Variants in STK10 observed in about 807,000 individuals in gnomAD.
STK10 encodes serine/threonine-protein kinase 10.
In STK10, 78 loss-of-function variants were observed where a neutral mutation model predicts 113.8. The observed-to-expected ratio is 0.69, with a 90% CI of 0.57 to 0.83. STK10 has a LOEUF of 0.83. Among genes scored for constraint, STK10 ranks in the 40% least tolerant of loss-of-function variants. The pLI is 0.00. For missense variants in STK10, 1,109 were observed against 1,280.1 expected, an observed-to-expected ratio of 0.87 and a Z score of 2.04; for synonymous variants, 465 against 494.7, an observed-to-expected ratio of 0.94 and a Z score of 0.80.
chr5:172,129,689 C>G (rs566967107), intron 2 of STK10, among the ~76,000 whole-genome samples: 15 of 152,280 alleles, frequency 9.9e-5, no homozygotes, highest in Non-Finnish European at 1.9e-4. Context: ...GCATATCATT[C>G]TGCCTTGTAG....
chr5:172,082,900 C>G lies in STK10; in HGVS notation c.1809+61G>C. On this transcript the variant is annotated intron_variant, in intron 11 of 18. Coordinates refer to ENST00000176763, the MANE Select transcript of STK10 (RefSeq NM_005990.4). The surrounding 1 kb of genome is among the most constrained non-coding windows in gnomAD (Gnocchi z 4.3). ...CCCAATCATTCCCACTATGTAGCTT[C>G]CACTGAGAGAACACCTGGAGGCAAG... 2 of 1,596,652 alleles carry G rather than the reference C, an allele frequency of 1.3e-6. No individual in the cohort carries two copies. Among genetic ancestry groups the G allele is most frequent in the Non-Finnish European group, 1.7e-6 (2 of 1,172,754 alleles).
At chr5:172,162,740 T>A (rs1770495495) in intron 1 of STK10, among the ~76,000 whole-genome samples, 1 of 152,098 alleles carries the variant, frequency 6.6e-6, no homozygotes, top group Non-Finnish European at 1.5e-5. Flanking sequence ...GGGCCCCCCT[T>A]CAATCACTCA....
rs903792161 is a variant in STK10, at chr5:172,105,163, C to G, written c.870+493G>C. Among the ~76,000 whole-genome samples, 12 of 148,568 alleles carry G rather than the reference C, an allele frequency of 8.1e-5. 1 individual carries two copies. Among genetic ancestry groups the G allele is most frequent in the Admixed American group, 5.4e-4 (8 of 14,820 alleles). ...CCTGGCCCCTGTGCTCCTGCTCCCC[C>G]ACCTCCCACCCCCACCCCCTGGCTC... On this transcript the variant is annotated intron_variant, in intron 7 of 18. Coordinates refer to ENST00000176763, the MANE Select transcript of STK10 (RefSeq NM_005990.4).
chr5:172,186,860 G>C (rs887912656), intron 1 of STK10, among the ~76,000 whole-genome samples: 1 of 152,006 alleles, frequency 6.6e-6, no homozygotes, highest in Non-Finnish European at 1.5e-5. Flanking sequence ...CCAAGTCAGA[G>C]GAGAAGGCCT....
intron 18 of STK10, among the ~76,000 whole-genome samples, chr5:172,046,482 A>G (rs925273302): frequency 3.9e-5 from 6 of 152,190 alleles, no homozygotes; most frequent in African/African-American, 1.4e-4. Context: ...CAATTTAATA[A>G]TAATAGCTAC....
rs1770159306 is a variant in STK10 at position 172,149,485 on chromosome 5, A to G, written c.321+7139T>C. 2.7e-5 allele frequency among the ~76,000 whole-genome samples: 4 copies of G among 149,282 alleles called. No individual in the cohort carries two copies. The South Asian group carries it at 8.5e-4, about 32-fold the overall frequency. ...GCCTGTGCAGACTTTAAAGTGCTTT[A>G]CAAAGTGCTCGTGTGTGTGTGTGTG... On this transcript the variant is annotated intron_variant, in intron 2 of 18. Coordinates refer to ENST00000176763, the MANE Select transcript of STK10 (RefSeq NM_005990.4).
At chr5:172,164,863 G>A (rs751558083) in intron 1 of STK10, among the ~76,000 whole-genome samples, 4 of 152,222 alleles carry the variant, frequency 2.6e-5, no homozygotes, top group Non-Finnish European at 5.9e-5. Flanking sequence ...GCCGGGTTCC[G>A]GCGCACGATG....
intron 2 of STK10, among the ~76,000 whole-genome samples, chr5:172,142,493 C>A (rs1343438234): frequency 6.6e-6 from 1 of 152,138 alleles, no homozygotes; most frequent in Non-Finnish European, 1.5e-5. Context: ...TTAACCTGGG[C>A]CAACCTCGGT....
chr5:172,097,776 AG>A (rs1768891895), intron 7 of STK10, among the ~76,000 whole-genome samples: 1 of 152,182 alleles, frequency 6.6e-6, no homozygotes, highest in South Asian at 2.1e-4. Context: ...AGGAAATACA[AG>A]ATCTTGAGGC....
intron 2 of STK10, among the ~76,000 whole-genome samples, chr5:172,136,552 G>A (rs897973880): frequency 2.0e-4 from 31 of 151,962 alleles, no homozygotes; most frequent in African/African-American, 6.3e-4. Flanking sequence ...AGCCAAGATC[G>A]CGCCACTGCA....
At chr5:172,145,029 G>A (rs990981827) in intron 2 of STK10, among the ~76,000 whole-genome samples, 1 of 152,156 alleles carries the variant, frequency 6.6e-6, no homozygotes, top group African/African-American at 2.4e-5. Flanking sequence ...AGTCCCCTGA[G>A]CTTGAGTCCA....
chr5:172,055,608 G>C lies in STK10; in HGVS notation c.2506C>G (p.Gln836Glu). ...CCCACCTGCTTGATCTTCTCACGCT[G>C]CTCAGCTGCGCTGCCCCCGCCGTTG... ...HINGGGSAAEQREKIKQFSQQ... is the reference protein window; with the variant it reads ...HINGGGSAAEEREKIKQFSQQ... The change falls in exon 16 of 19, where the codon CAG becomes GAG. Residue 836 changes from glutamine (Q) to glutamate (E), a missense_variant. Around this residue, in one of 5 missense-constraint regions of STK10, gnomAD observed 885 missense variants for 991.1 expected, o/e 0.89. Transcript: ENST00000176763. The C allele has an allele frequency of 6.5e-7, 1 of 1,529,056 alleles. No individual in the cohort carries two copies. The highest frequency in any genetic ancestry group is 2.0e-5 in the Admixed American group (1 of 49,604). 94.7% of individuals were successfully genotyped at this position (1,529,056 alleles called of 1,614,324 possible). A position where few individuals can be genotyped will look rare whatever the true frequency, so the allele number is the denominator to read the frequency against.
Position 172,055,770 on chromosome 5 carries a change from C to T in STK10, c.2344G>A (p.Glu782Lys). The T allele has an allele frequency of 6.7e-7, 1 of 1,491,600 alleles. No individual in the cohort carries two copies. The highest frequency in any genetic ancestry group is 9.0e-7 in the Non-Finnish European group (1 of 1,111,222). 92.4% of individuals were successfully genotyped at this position (1,491,600 alleles called of 1,614,324 possible). A position where few individuals can be genotyped will look rare whatever the true frequency, so the allele number is the denominator to read the frequency against. The change falls in exon 16 of 19, where the codon GAG becomes AAG. Residue 782 changes from glutamate (E) to lysine (K), a missense_variant. Glu to Lys is a moderately conservative substitution (Grantham distance 56). This residue lies in a region of STK10 where 885 missense variants were observed against 991.1 expected (regional missense o/e 0.89). Coordinates refer to ENST00000176763, the MANE Select transcript of STK10 (RefSeq NM_005990.4). ...ELLRKHEKER[E>K]QMQRYNQRMI... ...CGCTGGTTGTAGCGCTGCATCTGCT[C>T]CCGCTCCTGGAGAGGAATATCCAGA...
At chr5:172,130,250 G>C (rs1475239839) in intron 2 of STK10, among the ~76,000 whole-genome samples, 4 of 152,150 alleles carry the variant, frequency 2.6e-5, no homozygotes, top group Non-Finnish European at 4.4e-5. Flanking sequence ...CTAGTCCTAG[G>C]CTGGGGGCAG....
chr5:172,146,899 G>A (rs763615499), intron 2 of STK10, among the ~76,000 whole-genome samples: 5 of 152,110 alleles, frequency 3.3e-5, no homozygotes, highest in African/African-American at 7.2e-5. Context: ...ATTCAATTCC[G>A]ACACTATCTA....
rs3776763 is a variant in STK10, at chr5:172,120,546, C to T, written c.371-2916G>A. 0.073 allele frequency among the ~76,000 whole-genome samples: 11,161 copies of T among 152,206 alleles called. 463 individuals carry two copies. The highest frequency in any genetic ancestry group is 0.11 in the East Asian group (558 of 5,160). On this transcript the variant is annotated intron_variant, in intron 3 of 18. Coordinates refer to ENST00000176763, the MANE Select transcript of STK10 (RefSeq NM_005990.4). The surrounding 1 kb of genome is among the most constrained non-coding windows in gnomAD (Gnocchi z 4.0). Reference sequence around the variant, plus strand: ...TGCATGGGCTTCAGGACCACACAGACCGAGGCCGTACCCAGGTGCTGCCTC... The same window carrying T: ...TGCATGGGCTTCAGGACCACACAGATCGAGGCCGTACCCAGGTGCTGCCTC...
At chr5:172,056,865 C>G (rs1262410898) in intron 15 of STK10, 1 of 146,450 alleles carries the variant, frequency 6.8e-6, no homozygotes, top group Middle Eastern at 3.3e-3. Context: ...GAGAGCGACT[C>G]CATCTCGAAA....
chr5:172,066,297 A>G (rs1186813306), intron 12 of STK10, among the ~76,000 whole-genome samples: 1 of 151,676 alleles, frequency 6.6e-6, no homozygotes, highest in African/African-American at 2.4e-5. Flanking sequence ...ACTTGCAGAC[A>G]AGACTGGTAC....
intron 1 of STK10, among the ~76,000 whole-genome samples, chr5:172,157,309 A>G (rs1024957665): frequency 6.6e-6 from 1 of 152,154 alleles, no homozygotes; most frequent in Non-Finnish European, 1.5e-5. Context: ...CTGTAATCCC[A>G]GCACTTTGAG....
Sources: allele counts gnomAD v4.1 joint callset (sites outside exome capture counted in the v4.1 genomes callset), GRCh38; gene constraint gnomAD v4.1.1; regional missense constraint gnomAD v4.1.1; non-coding constraint Gnocchi (gnomAD v3.1); transcripts MANE v1.5; gene names NCBI Gene and HGNC (gene_info 2026-07-23, HGNC 2026-07-21).